Variants in CRTC3 observed in about 807,000 individuals in gnomAD.
CRTC3 encodes the protein CREB-regulated transcription coactivator 3.
In CRTC3, 26 loss-of-function variants were observed where a neutral mutation model predicts 74.5. The observed-to-expected ratio is 0.35, with a 90% CI of 0.26 to 0.48. The LOEUF (loss-of-function observed/expected upper bound fraction) is 0.48. Among genes scored for constraint, CRTC3 ranks in the 20% least tolerant of loss-of-function variants. CRTC3 has a pLI of 0.99. For missense variants in CRTC3, 760 were observed against 787.3 expected (o/e 0.97, Z 0.41); for synonymous variants, 377 against 325.8 (o/e 1.16, Z -1.69).
Position 90,551,203 on chromosome 15 carries a change from A to C in CRTC3, c.231+11066A>C, listed in dbSNP as rs527415955. Among the ~76,000 whole-genome samples the C allele has an allele frequency of 1.7e-4, 26 of 152,306 alleles. No individual in the cohort carries two copies. In the South Asian group the frequency reaches 4.1e-3, roughly 24 times the overall value. On this transcript the variant is annotated intron_variant, in intron 2 of 14. Coordinates refer to ENST00000268184, the MANE Select transcript of CRTC3 (RefSeq NM_022769.5). Reference sequence around the variant, plus strand: ...TGATAGAGTTGTTCATAAGGATCTAATGAATGCGGAATAAATGCATATCTC... The same window carrying C: ...TGATAGAGTTGTTCATAAGGATCTACTGAATGCGGAATAAATGCATATCTC...
intron 2 of CRTC3, among the ~76,000 whole-genome samples, chr15:90,565,635 G>A (rs376993691): frequency 1.3e-5 from 2 of 152,190 alleles, no homozygotes; most frequent in South Asian, 4.1e-4. Flanking sequence ...CTCACTTCAT[G>A]TCTCTGTTGC....
intron 2 of CRTC3, among the ~76,000 whole-genome samples, chr15:90,540,751 C>G (rs577148196): frequency 6.6e-6 from 1 of 151,490 alleles, no homozygotes; most frequent in Admixed American, 6.6e-5. Context: ...CCAGCCTGGG[C>G]GACAGAGCGA....
chr15:90,605,826 C>T (rs1433308801), intron 5 of CRTC3, among the ~76,000 whole-genome samples: 1 of 152,222 alleles, frequency 6.6e-6, no homozygotes, highest in Non-Finnish European at 1.5e-5. Context: ...GACAGTTTGA[C>T]CTTATGATGA....
In CRTC3 at chr15:90,617,907, A is replaced by G; in HGVS notation, c.638A>G (p.Lys213Arg). 2 of 1,612,982 alleles carry G rather than the reference A, an allele frequency of 1.2e-6. No homozygotes were observed. Among genetic ancestry groups the G allele is most frequent in the Non-Finnish European group, 1.7e-6 (2 of 1,179,114 alleles). The part of the protein sequence containing the change: ...GEVASFPGPL[K>R]EENLLNVPKP... ...GTAGCATCTTTCCCTGGCCCATTGA[A>G]AGAAGAGAATCTGTTAAATGTTCCG... Residue 213 changes from lysine to arginine, a missense_variant, in exon 8 of 15, where the codon AAA (lysine) becomes AGA (arginine). Lys to Arg is a conservative substitution (Grantham distance 26). Transcript: ENST00000268184.
chr15:90,605,957 G>C (rs1968206469), intron 5 of CRTC3, among the ~76,000 whole-genome samples: 1 of 152,214 alleles, frequency 6.6e-6, no homozygotes, highest in African/African-American at 2.4e-5. Context: ...CTACTTTACA[G>C]CCTTAAAAAA....
intron 3 of CRTC3, chr15:90,595,710 G>A (rs1967907625): frequency 6.6e-6 from 1 of 152,032 alleles, no homozygotes; most frequent in South Asian, 2.1e-4. Flanking sequence ...TACTTTTGAA[G>A]TACGGTCTAA....
chr15:90,555,288 A>G (rs1966878645), intron 2 of CRTC3, among the ~76,000 whole-genome samples: 1 of 152,172 alleles, frequency 6.6e-6, no homozygotes, highest in Non-Finnish European at 1.5e-5. Context: ...TGTTCTGACT[A>G]TTAAAATCAC....
In CRTC3 at chr15:90,593,719, C is replaced by A. The variant is rs372193856; in HGVS notation, c.315C>A (p.Pro105=). ...GGCCATCCAGGAACCGCTTCCACCC[C>A]CTCCACCGAAGGTCTGGGGACAAGC... ...VERPSRNRFH[P]LHRRSGDKPG... The change falls in exon 3 of 15, where the codon CCC becomes CCA. Residue 105 remains proline, a synonymous_variant. Coordinates refer to ENST00000268184, the MANE Select transcript of CRTC3 (RefSeq NM_022769.5). The A allele has an allele frequency of 1.3e-5, 21 of 1,610,590 alleles. No homozygotes were observed. Among genetic ancestry groups the A allele is most frequent in the Middle Eastern group, 1.7e-4 (1 of 6,046 alleles).
chr15:90,619,002 G>A (rs1315745581), intron 8 of CRTC3, among the ~76,000 whole-genome samples: 2 of 152,052 alleles, frequency 1.3e-5, no homozygotes, highest in African/African-American at 4.8e-5. Context: ...ATCTCCCTTG[G>A]TTCTTGTGGA....
chr15:90,607,116 C>A (rs140066342), intron 5 of CRTC3, among the ~76,000 whole-genome samples: 1 of 152,164 alleles, frequency 6.6e-6, no homozygotes, highest in South Asian at 2.1e-4. Context: ...CGAGGCCCAC[C>A]TTGTTGAACT....
intron 5 of CRTC3, 125 bp downstream of exon 5, chr15:90,604,572 C>T (rs1357923336): frequency 5.5e-6 from 4 of 726,394 alleles, no homozygotes; most frequent in Non-Finnish European, 7.2e-6. Flanking sequence ...ATGTTCAAAA[C>T]AAAACCCACC....
intron 2 of CRTC3, among the ~76,000 whole-genome samples, chr15:90,560,685 A>G (rs537338083): frequency 1.2e-4 from 19 of 152,346 alleles, no homozygotes; most frequent in African/African-American, 4.3e-4. Context: ...GGCTGTCAGA[A>G]CAATAGGGAA....
intron 9 of CRTC3, among the ~76,000 whole-genome samples, chr15:90,620,602 G>C (rs1285263646): frequency 1.3e-5 from 2 of 152,088 alleles, no homozygotes; most frequent in Non-Finnish European, 2.9e-5. Flanking sequence ...TGCTGGGGAG[G>C]TTCACAGAGA....
chr15:90,603,390 C>T (rs1468156029), intron 4 of CRTC3, among the ~76,000 whole-genome samples: 1 of 151,900 alleles, frequency 6.6e-6, no homozygotes, highest in Non-Finnish European at 1.5e-5. Context: ...TTGCAGTGAG[C>T]CGAGATCACG....
intron 2 of CRTC3, among the ~76,000 whole-genome samples, chr15:90,587,654 C>T (rs1211754985): frequency 6.6e-6 from 1 of 152,120 alleles, no homozygotes; most frequent in Non-Finnish European, 1.5e-5. Flanking sequence ...CCCTCTGTCA[C>T]CCAGTCTGGA....
intron 2 of CRTC3, among the ~76,000 whole-genome samples, chr15:90,557,006 A>G (rs746333678): frequency 3.3e-4 from 48 of 146,282 alleles, no homozygotes; most frequent in Non-Finnish European, 5.2e-4. Context: ...ATATCTTTAT[A>G]ATACAATATG....
chr15:90,628,956 G>A (rs994861851), intron 10 of CRTC3, among the ~76,000 whole-genome samples: 5 of 152,184 alleles, frequency 3.3e-5, no homozygotes, highest in South Asian at 2.1e-4. Context: ...CTGTTACCCC[G>A]GTTTACCTAG....
intron 2 of CRTC3, among the ~76,000 whole-genome samples, chr15:90,547,284 T>C (rs1431773953): frequency 6.6e-6 from 1 of 152,220 alleles, no homozygotes; most frequent in Non-Finnish European, 1.5e-5. Flanking sequence ...TACATTGTTA[T>C]TAACTTTAGC....
At chr15:90,587,717 G>A (rs1381071901) in intron 2 of CRTC3, among the ~76,000 whole-genome samples, 1 of 152,104 alleles carries the variant, frequency 6.6e-6, no homozygotes, top group African/African-American at 2.4e-5. Flanking sequence ...AGGCTCAAGT[G>A]ATCCTCCTGC....
Sources: gnomAD v4.1 joint callset for allele counts (sites outside exome capture counted in the v4.1 genomes callset) on GRCh38, gnomAD v4.1.1 for gene constraint, MANE v1.5 for transcripts, NCBI Gene and HGNC (gene_info 2026-07-23, HGNC 2026-07-21) for gene names.